Variants in CLASP2 observed in about 807,000 individuals in gnomAD.
CLASP2 encodes cytoplasmic linker associated protein 2, also known as CLIP-associating protein 2.
In CLASP2, 47 loss-of-function variants were observed where a neutral mutation model predicts 194.4. The observed-to-expected ratio is 0.24, with a 90% CI of 0.19 to 0.31. The LOEUF is 0.31. Among genes scored for constraint, CLASP2 ranks in the 10% least tolerant of loss-of-function variants. CLASP2 has a pLI of 1.00. For synonymous variants in CLASP2, 619 were observed against 633.5 expected (o/e 0.98, Z 0.34); for missense variants, 1,445 against 1,823.6 (o/e 0.79, Z 3.78).
At position 33,658,703 on chromosome 3, in the gene CLASP2, A is replaced by G. The variant is rs144293804; in HGVS notation, c.715+4742T>C. ...TCCACGTTTCTTCCAATATCCCTTC[A>G]TATCTACCACCAAGACTGAAGCTTG... On this transcript the variant is annotated intron_variant, in intron 7 of 38. Coordinates refer to ENST00000682230, the MANE Select transcript of CLASP2 (RefSeq NM_001365631.1). Among the ~76,000 whole-genome samples the G allele has an allele frequency of 9.1e-4, 139 of 152,332 alleles. 2 individuals are homozygous for G. Among genetic ancestry groups the G allele is most frequent in the African/African-American group, 3.2e-3 (134 of 41,576 alleles).
intron 2 of CLASP2, among the ~76,000 whole-genome samples, chr3:33,694,831 C>G (rs2091703664): frequency 1.3e-5 from 2 of 152,018 alleles, no homozygotes; most frequent in South Asian, 2.1e-4. Context: ...GTCCCAGCTA[C>G]TCAGGAGGCT....
In CLASP2 at chr3:33,643,632, CAT is replaced by C. The variant is rs1182857833; in HGVS notation, c.862+1123_862+1124del. 3.3e-5 allele frequency among the ~76,000 whole-genome samples: 5 copies of C among 151,930 alleles called. No individual in the cohort carries two copies. In the South Asian group the frequency reaches 1.0e-3, roughly 32 times the overall value. On this transcript the variant is annotated intron_variant, in intron 8 of 38. Coordinates refer to ENST00000682230, the MANE Select transcript of CLASP2 (RefSeq NM_001365631.1). Reference sequence around the variant, plus strand: ...GCATCTATATATATATTTATACACCCATATGTGTATGTATATATATCACACCA... The same window carrying C: ...GCATCTATATATATATTTATACACCCATGTGTATGTATATATATCACACCA...
intron 34 of CLASP2, among the ~76,000 whole-genome samples, chr3:33,532,080 T>C (rs759720467): frequency 3.3e-5 from 5 of 152,190 alleles, no homozygotes; most frequent in Admixed American, 6.5e-5. Context: ...CCAATGTTCA[T>C]AGCAACATTA....
At chr3:33,529,048 A>G (rs1046584379) in intron 34 of CLASP2, among the ~76,000 whole-genome samples, 3 of 152,174 alleles carry the variant, frequency 2.0e-5, no homozygotes, top group African/African-American at 7.2e-5. Context: ...CCAAGAGTCA[A>G]ATCAGAAAGG....
chr3:33,549,295 A>G (rs1388512349), intron 30 of CLASP2, among the ~76,000 whole-genome samples: 1 of 151,806 alleles, frequency 6.6e-6, no homozygotes, highest in Middle Eastern at 3.2e-3. Flanking sequence ...TTCTTTTTCC[A>G]GTGTCTTATG....
At chr3:33,521,885 CT>C (rs150078928) in intron 34 of CLASP2, among the ~76,000 whole-genome samples, 39,798 of 152,032 alleles carry the variant, frequency 0.26, 5,538 homozygotes, top group Admixed American at 0.41. Flanking sequence ...CCACTCCCCC[CT>C]CCACCAGCCC....
chr3:33,681,411 CAT>C (rs2089841287), intron 6 of CLASP2, among the ~76,000 whole-genome samples: 4 of 127,000 alleles, frequency 3.1e-5, no homozygotes, highest in Non-Finnish European at 3.5e-5. Flanking sequence ...TAATGAAACA[CAT>C]CATACTAGAA....
intron 4 of CLASP2, among the ~76,000 whole-genome samples, chr3:33,687,663 G>A (rs745384663): frequency 6.6e-6 from 1 of 152,304 alleles, no homozygotes; most frequent in East Asian, 1.9e-4. Flanking sequence ...ATATAGTTAA[G>A]AAAAGGAAGT....
At chr3:33,595,781 G>A (rs2070151012) in intron 19 of CLASP2, among the ~76,000 whole-genome samples, 1 of 151,588 alleles carries the variant, frequency 6.6e-6, no homozygotes, top group African/African-American at 2.4e-5. Flanking sequence ...ATGTCTAAGG[G>A]GTTTGATACA....
At chr3:33,675,518 A>C (rs2088389434) in intron 6 of CLASP2, among the ~76,000 whole-genome samples, 1 of 149,032 alleles carries the variant, frequency 6.7e-6, no homozygotes, top group African/African-American at 2.4e-5. Flanking sequence ...TCCCTTTGAA[A>C]ACTGGCACAA....
chr3:33,573,434 A>G, intron 24 of CLASP2, 80 bp from the exon 25 acceptor site: 6 of 1,429,108 alleles, frequency 4.2e-6, no homozygotes, highest in Non-Finnish European at 5.8e-6. Flanking sequence ...CCACAAAAGG[A>G]TTGATTTTTG....
intron 23 of CLASP2, 115 bp downstream of exon 23, chr3:33,581,706 G>T: frequency 1.5e-6 from 1 of 669,598 alleles, no homozygotes. Flanking sequence ...GACAGAAAAG[G>T]GGTAGAGAGA....
At chr3:33,574,938 T>TAA (rs1168277005) in intron 24 of CLASP2, among the ~76,000 whole-genome samples, 1 of 152,120 alleles carries the variant, frequency 6.6e-6, no homozygotes, top group East Asian at 1.9e-4. Context: ...CCTTGGTAGT[T>TAA]AAACATTCCT....
chr3:33,690,302 C>T (rs1310465940), intron 2 of CLASP2, among the ~76,000 whole-genome samples: 1 of 152,116 alleles, frequency 6.6e-6, no homozygotes, highest in East Asian at 1.9e-4. Flanking sequence ...CCTTAAATTA[C>T]CACTACCATT....
At chr3:33,609,296 A>C (rs1577143005) in intron 13 of CLASP2, among the ~76,000 whole-genome samples, 1 of 152,296 alleles carries the variant, frequency 6.6e-6, no homozygotes, top group Non-Finnish European at 1.5e-5. Flanking sequence ...AAATTAAATA[A>C]AATTTAACAA....
rs1449268456 is a variant in CLASP2, at chr3:33,516,242, G to T, written c.3982-91C>A. ...TTTGTAACTTAAGGGTCTTAATATT[G>T]GGGGAGGAGTTGTAGATAACTGCAT... is the stretch of plus-strand genomic sequence containing the variant. On this transcript the variant is annotated intron_variant, in intron 35 of 38. Coordinates refer to ENST00000682230, the MANE Select transcript of CLASP2 (RefSeq NM_001365631.1). 4 of 1,235,268 alleles carry T rather than the reference G, an allele frequency of 3.2e-6. No homozygotes were observed. In the African/African-American group the frequency reaches 4.6e-5, roughly 14 times the overall value. 76.5% of individuals were successfully genotyped at this position (1,235,268 alleles called of 1,614,324 possible).
intron 6 of CLASP2, among the ~76,000 whole-genome samples, chr3:33,673,804 T>C (rs2087900439): frequency 6.6e-6 from 1 of 152,120 alleles, no homozygotes; most frequent in African/African-American, 2.4e-5. Flanking sequence ...TAGTCTCTGA[T>C]GAAACAGACT....
chr3:33,523,825 G>T (rs554639738), intron 34 of CLASP2, among the ~76,000 whole-genome samples: 1 of 152,020 alleles, frequency 6.6e-6, no homozygotes, highest in Non-Finnish European at 1.5e-5. Context: ...AAAAGGGTGG[G>T]GTCAGAGCTG....
intron 18 of CLASP2, among the ~76,000 whole-genome samples, chr3:33,597,485 T>C (rs1008538815): frequency 1.2e-4 from 18 of 152,176 alleles, no homozygotes; most frequent in Admixed American, 6.5e-5. Context: ...TGTGCAGAAG[T>C]TGTGGGGACA....
Sources: allele counts gnomAD v4.1 joint callset (sites outside exome capture counted in the v4.1 genomes callset), GRCh38; gene constraint gnomAD v4.1.1; transcripts MANE v1.5; gene names NCBI Gene and HGNC (gene_info 2026-07-23, HGNC 2026-07-21).